PCDHGA4: variants seen among roughly 807,000 people sequenced by gnomAD.
The protein encoded by PCDHGA4 is protocadherin gamma-A4.
PCDHGA4 carries 38 observed loss-of-function variants against 54.6 expected under a neutral mutation model. That is an observed-to-expected ratio of 0.70 (90% CI 0.54 to 0.91). The LOEUF (loss-of-function observed/expected upper bound fraction) is 0.91, where lower values mean the gene tolerates loss of function less well. Among genes scored for constraint, PCDHGA4 ranks in the 40% least tolerant of loss-of-function variants. PCDHGA4 has a pLI of 0.00. For synonymous variants in PCDHGA4, 511 were observed against 512.9 expected, an observed-to-expected ratio of 1.00 and a Z score of 0.05; for missense variants, 1,298 against 1,220.9, an observed-to-expected ratio of 1.06 and a Z score of -0.94.
At chr5:141,374,291 G>A (rs988844728) in intron 1 of PCDHGA4, 2 of 1,613,858 alleles carry the variant, frequency 1.2e-6, no homozygotes, top group African/African-American at 1.3e-5. Flanking sequence ...CGTCTCCAGA[G>A]GTAGGATGCA....
intron 1 of PCDHGA4, chr5:141,364,395 C>T (rs1330798978): frequency 1.9e-6 from 3 of 1,603,432 alleles, no homozygotes; most frequent in Admixed American, 1.7e-5. Flanking sequence ...CTCCTGGGGA[C>T]GCTGTGCGAG....
chr5:141,475,550 T>G (rs2099365082), intron 1 of PCDHGA4, among the ~76,000 whole-genome samples: 1 of 152,246 alleles, frequency 6.6e-6, no homozygotes, highest in Non-Finnish European at 1.5e-5. Flanking sequence ...AGGGTCCGGC[T>G]AATTGTCTGT....
At chr5:141,415,736 TA>T in intron 1 of PCDHGA4, 1 of 1,289,980 alleles carries the variant, frequency 7.8e-7, no homozygotes, top group South Asian at 1.8e-5. Context: ...TGATGTTTAT[TA>T]AGGTTTTTTT....
chr5:141,388,583 T>G, intron 1 of PCDHGA4: 1 of 1,613,894 alleles, frequency 6.2e-7, no homozygotes, highest in Non-Finnish European at 8.5e-7. Flanking sequence ...TTCTAGTGAC[T>G]GATGCCAATG....
intron 1 of PCDHGA4, chr5:141,404,106 C>G: frequency 1.2e-6 from 2 of 1,613,428 alleles, no homozygotes; most frequent in Non-Finnish European, 1.7e-6. Flanking sequence ...GTTGTCTGTT[C>G]TATCCAGGAG....
chr5:141,394,741 T>G (rs767167411), intron 1 of PCDHGA4: 5 of 1,613,414 alleles, frequency 3.1e-6, no homozygotes, highest in Non-Finnish European at 4.2e-6. Context: ...CAGAGCCTCG[T>G]GGTGGCCGTC....
chr5:141,383,941 A>G (rs754217444), intron 1 of PCDHGA4: 1 of 1,613,742 alleles, frequency 6.2e-7, no homozygotes, highest in African/African-American at 1.3e-5. Flanking sequence ...TCCAGAAGTG[A>G]CTATGACGTC....
intron 1 of PCDHGA4, among the ~76,000 whole-genome samples, chr5:141,457,387 T>A (rs530736201): frequency 2.0e-5 from 3 of 152,340 alleles, no homozygotes; most frequent in Non-Finnish European, 2.9e-5. Context: ...AGAACTAGCA[T>A]ATTGATTCAC....
At chr5:141,393,259 G>A in intron 1 of PCDHGA4, 1 of 1,613,874 alleles carries the variant, frequency 6.2e-7, no homozygotes, top group Non-Finnish European at 8.5e-7. Context: ...GCGGTTCCTG[G>A]AGCACGTTAT....
Position 141,431,583 on chromosome 5 carries a change from C to A in PCDHGA4, c.2515-63224C>A, listed in dbSNP as rs771534481. On this transcript the variant is annotated intron_variant, in intron 1 of 3. Transcript: ENST00000571252. The surrounding 1 kb of genome is among the most constrained non-coding windows in gnomAD (Gnocchi z 4.8). ...ACCGACCCTGACGAAGGAGTCAATGCGGAAGTGAGGTATTCCTTCCGGTAT... is the reference window on the plus strand; with the variant it reads ...ACCGACCCTGACGAAGGAGTCAATGAGGAAGTGAGGTATTCCTTCCGGTAT... The A allele has an allele frequency of 1.1e-5, 18 of 1,614,008 alleles. No individual in the cohort carries two copies. In the South Asian group the frequency reaches 1.2e-4, roughly 11 times the overall value.
intron 1 of PCDHGA4, among the ~76,000 whole-genome samples, chr5:141,455,594 G>A (rs1263100982): frequency 6.6e-6 from 1 of 152,112 alleles, no homozygotes; most frequent in Non-Finnish European, 1.5e-5. Context: ...ATATGCAAAC[G>A]TAGGGCGCCA....
chr5:141,370,551 G>A, intron 1 of PCDHGA4: 18 of 1,613,928 alleles, frequency 1.1e-5, no homozygotes, highest in Non-Finnish European at 1.4e-5. Context: ...CCTCGCCAAG[G>A]ACCTGGGGTT....
At chr5:141,498,530 A>G (rs1275299749) in intron 2 of PCDHGA4, among the ~76,000 whole-genome samples, 1 of 149,364 alleles carries the variant, frequency 6.7e-6, no homozygotes, top group Non-Finnish European at 1.5e-5. Flanking sequence ...ACTGCCCTCC[A>G]GCCTGGTCTG....
chr5:141,417,878 C>T, intron 1 of PCDHGA4: 1 of 1,558,216 alleles, frequency 6.4e-7, no homozygotes, highest in Non-Finnish European at 8.7e-7. Context: ...GAGCTGCGCG[C>T]AGAGGCGCCG....
chr5:141,394,536 G>C (rs2093028301), intron 1 of PCDHGA4: 2 of 1,614,070 alleles, frequency 1.2e-6, no homozygotes. Flanking sequence ...TTCCACTGGC[G>C]TGGAGCTGGC....
intron 1 of PCDHGA4, chr5:141,404,600 C>G (rs1406207982): frequency 6.2e-7 from 1 of 1,613,938 alleles, no homozygotes; most frequent in Non-Finnish European, 8.5e-7. Flanking sequence ...GTCATTGAGA[C>G]TGTTTGTTTT....
intron 1 of PCDHGA4, among the ~76,000 whole-genome samples, chr5:141,369,797 C>G (rs1238211646): frequency 6.6e-6 from 1 of 152,214 alleles, no homozygotes; most frequent in East Asian, 1.9e-4. Context: ...ACTACGTCTT[C>G]TGCCATCACC....
intron 1 of PCDHGA4, chr5:141,492,036 T>A: frequency 1.9e-6 from 1 of 536,866 alleles, no homozygotes; most frequent in Non-Finnish European, 3.2e-6. Flanking sequence ...GAGGAGGCAG[T>A]CACAGATCCA....
At chr5:141,465,730 T>G (rs1373873081) in intron 1 of PCDHGA4, among the ~76,000 whole-genome samples, 2 of 152,186 alleles carry the variant, frequency 1.3e-5, no homozygotes, top group Non-Finnish European at 2.9e-5. Context: ...CCTCTTGTGC[T>G]TTGTTTTCAG....
Sources: allele counts gnomAD v4.1 joint callset (sites outside exome capture counted in the v4.1 genomes callset), GRCh38; gene constraint gnomAD v4.1.1; non-coding constraint Gnocchi (gnomAD v3.1); transcripts MANE v1.5; gene names NCBI Gene and HGNC (gene_info 2026-07-23, HGNC 2026-07-21).